The following PCYT1A variants were observed in gnomAD, a reference collection of about 807,000 sequenced individuals.
PCYT1A encodes the protein choline-phosphate cytidylyltransferase A.
Under a neutral mutation model 43.7 loss-of-function variants are expected in PCYT1A, and 25 were observed. That is an observed-to-expected ratio of 0.57 (90% CI 0.42 to 0.80). The LOEUF (loss-of-function observed/expected upper bound fraction) is 0.80. PCYT1A is among the 30% of genes least tolerant of loss of function. The pLI is 0.00. For missense variants in PCYT1A, 421 were observed against 474.2 expected, an observed-to-expected ratio of 0.89 and a Z score of 1.04; for synonymous variants, 172 against 170.7, an observed-to-expected ratio of 1.01 and a Z score of -0.06.
At chr3:196,281,799 G>C (rs1469130607) in intron 1 of PCYT1A, among the ~76,000 whole-genome samples, 1 of 152,166 alleles carries the variant, frequency 6.6e-6, no homozygotes, top group Non-Finnish European at 1.5e-5. Context: ...CTGGGCTTAA[G>C]TGATCCTCCT....
At chr3:196,284,909 T>C (rs1001025327) in intron 1 of PCYT1A, among the ~76,000 whole-genome samples, 1 of 152,176 alleles carries the variant, frequency 6.6e-6, no homozygotes, top group Non-Finnish European at 1.5e-5. Context: ...CTTTTAGCTA[T>C]GTAGAATGTA....
At position 196,273,155 on chromosome 3, in the gene PCYT1A, C is replaced by A. The variant is rs1006385866; in HGVS notation, c.-10-2614G>T. On this transcript the variant is annotated intron_variant, in intron 1 of 8. Coordinates refer to ENST00000431016, the MANE Select transcript of PCYT1A (RefSeq NM_001312673.2). This position sits in a 1 kb window ranked among gnomAD's most constrained non-coding sequence, Gnocchi z 4.1. ...TACTACAAGCAGCTTCCACTGCAGG[C>A]ACTGGGGAACATGGTGCTGCCCAGA... Among the ~76,000 whole-genome samples the A allele has an allele frequency of 6.6e-6, 1 of 152,224 alleles. No homozygotes were observed. Among genetic ancestry groups the A allele is most frequent in the Non-Finnish European group, 1.5e-5 (1 of 68,038 alleles).
intron 1 of PCYT1A, among the ~76,000 whole-genome samples, chr3:196,279,159 G>T (rs554061311): frequency 6.6e-6 from 1 of 151,554 alleles, no homozygotes; most frequent in Non-Finnish European, 1.5e-5. Flanking sequence ...GTGGTGGCAG[G>T]TGCCTGTAAT....
intron 2 of PCYT1A, among the ~76,000 whole-genome samples, chr3:196,264,578 A>G (rs970615420): frequency 6.6e-6 from 1 of 152,030 alleles, no homozygotes; most frequent in African/African-American, 2.4e-5. Context: ...CACTGCCCCT[A>G]CCTCTTGGTC....
chr3:196,249,611 C>T (rs1458141975), intron 3 of PCYT1A, among the ~76,000 whole-genome samples: 2 of 152,316 alleles, frequency 1.3e-5, no homozygotes, highest in East Asian at 1.9e-4. Flanking sequence ...ACAGAATCAG[C>T]ATAATGGTCC....
At chr3:196,246,071 T>C (rs1724561216) in intron 5 of PCYT1A, among the ~76,000 whole-genome samples, 2 of 152,202 alleles carry the variant, frequency 1.3e-5, no homozygotes, top group Non-Finnish European at 2.9e-5. Context: ...GCCTGTGGGC[T>C]GTGGTGCTGA....
intron 1 of PCYT1A, among the ~76,000 whole-genome samples, chr3:196,276,571 C>G (rs907462912): frequency 1.3e-5 from 2 of 151,690 alleles, no homozygotes; most frequent in Admixed American, 1.3e-4. Context: ...CCACTGCACT[C>G]CAGCCTGGGC....
intron 2 of PCYT1A, among the ~76,000 whole-genome samples, chr3:196,259,338 T>A (rs571391907): frequency 9.2e-4 from 128 of 139,048 alleles, no homozygotes; most frequent in African/African-American, 3.2e-3. Flanking sequence ...AATTGTCTAT[T>A]ACATTTAAAT....
chr3:196,275,440 T>C (rs964679500), intron 1 of PCYT1A, among the ~76,000 whole-genome samples: 2 of 152,096 alleles, frequency 1.3e-5, no homozygotes, highest in Admixed American at 1.3e-4. Flanking sequence ...AATTCAGTTT[T>C]GAAAGGAGAA....
At chr3:196,266,990 G>A (rs1490453075) in intron 2 of PCYT1A, among the ~76,000 whole-genome samples, 2 of 151,860 alleles carry the variant, frequency 1.3e-5, no homozygotes, top group Non-Finnish European at 2.9e-5. Context: ...GGCTAACATG[G>A]TGAAACCCCG....
At chr3:196,265,611 G>A (rs888240822) in intron 2 of PCYT1A, among the ~76,000 whole-genome samples, 1 of 152,066 alleles carries the variant, frequency 6.6e-6, no homozygotes, top group Admixed American at 6.6e-5. Context: ...TACATGCAAG[G>A]AAAGTACTTT....
rs1000387504 is a variant in PCYT1A at position 196,255,928 on chromosome 3, G to A, written c.217+1860C>T. Among the ~76,000 whole-genome samples, 9 of 152,110 alleles carry A rather than the reference G, an allele frequency of 5.9e-5. No homozygotes were observed. The South Asian group carries it at 8.3e-4, about 14-fold the overall frequency. On this transcript the variant is annotated intron_variant, in intron 3 of 8. Transcript: ENST00000431016. Reference sequence around the variant, plus strand: ...TGTGAACCCTGAACTATCTTCTGGCGTTTTGAAGTTAGACCTGGCTACCAT... The same window carrying A: ...TGTGAACCCTGAACTATCTTCTGGCATTTTGAAGTTAGACCTGGCTACCAT...
intron 7 of PCYT1A, chr3:196,240,026 C>T: frequency 2.7e-6 from 1 of 363,958 alleles, no homozygotes; most frequent in East Asian, 4.6e-5. Flanking sequence ...AAAGATAAAA[C>T]ATAAACTTGG....
chr3:196,260,481 A>G (rs1725076298), intron 2 of PCYT1A, among the ~76,000 whole-genome samples: 1 of 152,216 alleles, frequency 6.6e-6, no homozygotes, highest in African/African-American at 2.4e-5. Context: ...TAAACATAGA[A>G]TTACCATATG....
At chr3:196,267,978 G>A (rs1725325631) in intron 2 of PCYT1A, among the ~76,000 whole-genome samples, 1 of 152,200 alleles carries the variant, frequency 6.6e-6, no homozygotes, top group Admixed American at 6.5e-5. Flanking sequence ...CCAGGCTGTT[G>A]GGTGGATCTC....
intron 3 of PCYT1A, among the ~76,000 whole-genome samples, chr3:196,255,162 T>G (rs1301685502): frequency 6.6e-6 from 1 of 152,206 alleles, no homozygotes; most frequent in African/African-American, 2.4e-5. Context: ...TGATTTAACA[T>G]AAAACAGTCA....
rs712012 is a variant in PCYT1A, at chr3:196,237,816, C to T, written c.*872G>A. On this transcript the variant is annotated 3_prime_UTR_variant, in exon 9 of 9. Transcript: ENST00000431016. ...CTCCCAGTAGGAAACTAATCTCAAT[C>T]GACTTGGTATAGGATTGAGTATTGT... 0.7 allele frequency: 106,417 copies of T among 152,138 alleles called. 38,127 individuals carry two copies. Among genetic ancestry groups the T allele is most frequent in the East Asian group, 0.87 (4,518 of 5,186 alleles). The allele number at this position is 152,138 out of a possible 1,614,324, so 9.4% of individuals were successfully genotyped here. A position where few individuals can be genotyped will look rare whatever the true frequency, so the allele number is the denominator to read the frequency against.
rs746866627 is a variant in PCYT1A at position 196,270,479 on chromosome 3, G to A, written c.53C>T (p.Ala18Val). ...TTCTGTTGCCCCGTTGGGTCCGGGC[G>A]CCTCTTTTCTCCTCTTCCTTGCATT... ...KVNARKRRKE[A>V]PGPNGATEED... Residue 18 changes from alanine to valine, a missense_variant, in exon 2 of 9, where the codon GCG becomes GTG. Around this residue, in one of 3 missense-constraint regions of PCYT1A, gnomAD observed 139 missense variants for 117.7 expected, o/e 1.18. Transcript: ENST00000431016. The A allele has an allele frequency of 3.8e-5, 61 of 1,614,100 alleles. No individual in the cohort carries two copies. The highest frequency in any genetic ancestry group is 1.5e-4 in the Admixed American group (9 of 60,012).
chr3:196,244,883 T>A (rs987651294), intron 5 of PCYT1A, among the ~76,000 whole-genome samples: 2 of 152,082 alleles, frequency 1.3e-5, no homozygotes, highest in African/African-American at 4.8e-5. Flanking sequence ...AAACAGATGC[T>A]TGAAGGCAGC....
Sources: allele counts gnomAD v4.1 joint callset (sites outside exome capture counted in the v4.1 genomes callset), GRCh38; gene constraint gnomAD v4.1.1; regional missense constraint gnomAD v4.1.1; non-coding constraint Gnocchi (gnomAD v3.1); transcripts MANE v1.5; gene names NCBI Gene and HGNC (gene_info 2026-07-23, HGNC 2026-07-21).